Variants in PHF24 observed in about 807,000 individuals in gnomAD.
The protein encoded by PHF24 is Galpha inhibitory interacting protein.
A neutral mutation model predicts 42.6 loss-of-function variants in PHF24; 25 were observed. That is an observed-to-expected ratio of 0.59 (90% CI 0.43 to 0.82). The LOEUF (loss-of-function observed/expected upper bound fraction) is 0.82. Among genes scored for constraint, PHF24 ranks in the 40% least tolerant of loss-of-function variants. The pLI is 0.00. For synonymous variants in PHF24, 185 were observed against 204.8 expected (o/e 0.90, Z 0.83); for missense variants, 470 against 538.1 (o/e 0.87, Z 1.25).
chr9:34,709,671 C>A, the PHF24 span: 2 of 1,613,976 alleles, frequency 1.2e-6, no homozygotes, highest in South Asian at 2.2e-5. Flanking sequence ...AGAGCGCTTG[C>A]GGGGCAAGAA....
the PHF24 span, among the ~76,000 whole-genome samples, chr9:34,867,472 T>C: frequency 1.3e-5 from 2 of 151,630 alleles, no homozygotes; most frequent in African/African-American, 2.4e-5. Context: ...AAAAATAGCC[T>C]GTAGGCTACT....
At chr9:34,685,530 A>G in the PHF24 span, among the ~76,000 whole-genome samples, 1 of 152,122 alleles carries the variant, frequency 6.6e-6, no homozygotes, top group Non-Finnish European at 1.5e-5. Flanking sequence ...CTTTCTAGCA[A>G]GCTGAGCTTT....
chr9:34,897,470 A>G, the PHF24 span, among the ~76,000 whole-genome samples: 196 of 152,362 alleles, frequency 1.3e-3, no homozygotes, highest in African/African-American at 4.4e-3. Flanking sequence ...CAACCATCTT[A>G]TTCATAAATG....
the PHF24 span, among the ~76,000 whole-genome samples, chr9:34,920,357 C>T: frequency 6.6e-6 from 1 of 152,050 alleles, no homozygotes; most frequent in African/African-American, 2.4e-5. Context: ...CTGTTCTGTC[C>T]CATTGACCTA....
the PHF24 span, chr9:34,838,700 G>T: frequency 1.3e-5 from 5 of 371,266 alleles, no homozygotes; most frequent in East Asian, 8.3e-5. Context: ...GTAGATGAGG[G>T]TGTTTTGAGC....
chr9:34,767,901 G>A, the PHF24 span, among the ~76,000 whole-genome samples: 2 of 152,136 alleles, frequency 1.3e-5, no homozygotes, highest in South Asian at 2.1e-4. Context: ...ACTTTCATGC[G>A]GTATCACTAA....
chr9:34,828,213 T>G, the PHF24 span, among the ~76,000 whole-genome samples: 1 of 152,064 alleles, frequency 6.6e-6, no homozygotes, highest in African/African-American at 2.4e-5. Flanking sequence ...GAAACCTTTT[T>G]CTTCCCTTAT....
chr9:34,783,985 T>C, the PHF24 span, among the ~76,000 whole-genome samples: 1 of 152,224 alleles, frequency 6.6e-6, no homozygotes, highest in Non-Finnish European at 1.5e-5. Flanking sequence ...TTTTTTAGCA[T>C]AGACTTTGAG....
chr9:34,811,863 G>A, the PHF24 span, among the ~76,000 whole-genome samples: 625 of 152,158 alleles, frequency 4.1e-3, 5 homozygotes, highest in African/African-American at 0.014. Flanking sequence ...GACAGCCCAT[G>A]GAATAGGAGA....
At chr9:34,748,256 A>G in the PHF24 span, among the ~76,000 whole-genome samples, 1 of 152,136 alleles carries the variant, frequency 6.6e-6, no homozygotes, top group Non-Finnish European at 1.5e-5. Context: ...ATTTTTCTGT[A>G]TGTATGTTAT....
the PHF24 span, among the ~76,000 whole-genome samples, chr9:34,852,138 C>T: frequency 7.5e-3 from 1,145 of 152,314 alleles, 21 homozygotes; most frequent in African/African-American, 0.026. Flanking sequence ...TCCACTTCCA[C>T]TTAATGAATA....
At chr9:34,704,570 A>G in the PHF24 span, among the ~76,000 whole-genome samples, 3 of 152,240 alleles carry the variant, frequency 2.0e-5, no homozygotes, top group African/African-American at 7.2e-5. Context: ...ACAGTGGCTC[A>G]CACCTGTAAT....
At chr9:34,745,256 A>C in the PHF24 span, among the ~76,000 whole-genome samples, 1 of 152,124 alleles carries the variant, frequency 6.6e-6, no homozygotes, top group Non-Finnish European at 1.5e-5. Flanking sequence ...GCTGCTCCAT[A>C]CTGGCTTCTT....
the PHF24 span, among the ~76,000 whole-genome samples, chr9:34,935,593 G>GAAAA: frequency 5.9e-4 from 72 of 122,562 alleles, 1 homozygote; most frequent in African/African-American, 1.9e-3. Context: ...GACTTCATCT[G>GAAAA]AAAAAAAAAA....
At chr9:34,820,631 A>G in the PHF24 span, among the ~76,000 whole-genome samples, 19,717 of 152,030 alleles carry the variant, frequency 0.13, 1,662 homozygotes, top group South Asian at 0.23. Flanking sequence ...TATCCAGTCT[A>G]TTATTGATGG....
the PHF24 span, among the ~76,000 whole-genome samples, chr9:34,733,800 G>C: frequency 6.6e-6 from 1 of 152,014 alleles, no homozygotes; most frequent in African/African-American, 2.4e-5. Context: ...ACTGTGCCCG[G>C]CCATGGCTTC....
the PHF24 span, among the ~76,000 whole-genome samples, chr9:34,817,806 T>C: frequency 3.3e-5 from 5 of 152,338 alleles, no homozygotes; most frequent in Middle Eastern, 3.4e-3. Flanking sequence ...ATTGAAGTTC[T>C]TTTTAAAAGT....
the PHF24 span, among the ~76,000 whole-genome samples, chr9:34,940,997 T>A: frequency 6.6e-6 from 1 of 152,032 alleles, no homozygotes; most frequent in Non-Finnish European, 1.5e-5. Context: ...TTGGCAAGAG[T>A]GCACCTTCTT....
chr9:34,895,933 C>G, the PHF24 span, among the ~76,000 whole-genome samples: 1 of 152,168 alleles, frequency 6.6e-6, no homozygotes, highest in East Asian at 1.9e-4. Context: ...ATTCAATGTT[C>G]AGATGAGGGT....
Sources: allele counts gnomAD v4.1 joint callset (sites outside exome capture counted in the v4.1 genomes callset), GRCh38; gene constraint gnomAD v4.1.1; transcripts MANE v1.5; gene names NCBI Gene and HGNC (gene_info 2026-07-23, HGNC 2026-07-21).